ETNPPL: variants seen among roughly 807,000 people sequenced by gnomAD.
ETNPPL encodes the protein ethanolamine-phosphate phospho-lyase.
A neutral mutation model predicts 55.5 loss-of-function variants in ETNPPL; 30 were observed. That is an observed-to-expected ratio of 0.54 (90% CI 0.40 to 0.73). The LOEUF (loss-of-function observed/expected upper bound fraction) is 0.73, where lower values mean the gene tolerates loss of function less well. Ranked by LOEUF, ETNPPL falls within the 30% of genes least tolerant of loss-of-function variation. The pLI, the probability that ETNPPL is intolerant of heterozygous loss-of-function variation, is 0.00. For synonymous variants in ETNPPL, 202 were observed against 207.2 expected, an observed-to-expected ratio of 0.98 and a Z score of 0.21; for missense variants, 528 against 607.9, an observed-to-expected ratio of 0.87 and a Z score of 1.38.
In ETNPPL at chr4:108,748,160, C is replaced by T; in HGVS notation, c.928-1G>A. On this transcript the variant is annotated splice_acceptor_variant, in intron 8 of 12. Transcript: ENST00000296486. LOFTEE classifies it high-confidence loss of function. ...CACAAGATACTGGATTTCCTCCATA[C>T]TGTAAAAAAAAAAAAGACAAATGAG... 6.5e-7 allele frequency: 1 copy of T among 1,542,266 alleles called. No homozygotes were observed. The highest frequency in any genetic ancestry group is 8.6e-7 in the Non-Finnish European group (1 of 1,158,282).
rs890253836 is a variant in ETNPPL at position 108,756,472 on chromosome 4, G to T, written c.356C>A (p.Ala119Asp). The T allele has an allele frequency of 6.2e-7, 1 of 1,613,874 alleles. No individual in the cohort carries two copies. The highest frequency in any genetic ancestry group is 8.5e-7 in the Non-Finnish European group (1 of 1,179,736). The change falls in exon 4 of 13, where the codon GCC becomes GAC. Residue 119 changes from alanine to aspartate, a missense_variant. Coordinates refer to ENST00000296486, the MANE Select transcript of ETNPPL (RefSeq NM_031279.4). ...TCTGAACTGCCGAGCCAGGCGTAAGGCTAAGTCGTTGGCTTCGGATCTATT... is the reference window on the plus strand; with the variant it reads ...TCTGAACTGCCGAGCCAGGCGTAAGTCTAAGTCGTTGGCTTCGGATCTATT... ...TNSGSEANDL[A>D]LRLARQFRGH...
At chr4:108,750,510 G>GTGTA (rs1449462227) in intron 7 of ETNPPL, among the ~76,000 whole-genome samples, 1 of 150,208 alleles carries the variant, frequency 6.7e-6, no homozygotes, top group Non-Finnish European at 1.5e-5. Context: ...GTGTGTGTGT[G>GTGTA]TGTGTGTGTG....
chr4:108,748,279 T>C (rs1728721495), intron 8 of ETNPPL, 120 bp from the exon 9 acceptor site: 5 of 622,644 alleles, frequency 8.0e-6, no homozygotes, highest in Non-Finnish European at 1.3e-5. Context: ...TAAAATGTTC[T>C]CTTATAATAT....
intron 4 of ETNPPL, among the ~76,000 whole-genome samples, chr4:108,755,585 G>A (rs2125679493): frequency 6.6e-6 from 1 of 152,344 alleles, no homozygotes; most frequent in East Asian, 1.9e-4. Context: ...GGGGGGCTGA[G>A]GCGGGTGGAT....
At position 108,749,237 on chromosome 4, in the gene ETNPPL, C is replaced by T; in HGVS notation, c.927+1G>A. The T allele has an allele frequency of 6.2e-7, 1 of 1,604,920 alleles. No individual in the cohort carries two copies. Among genetic ancestry groups the T allele is most frequent in the Non-Finnish European group, 8.5e-7 (1 of 1,172,442 alleles). On this transcript the variant is annotated splice_donor_variant, in intron 8 of 12. Coordinates refer to ENST00000296486, the MANE Select transcript of ETNPPL (RefSeq NM_031279.4). LOFTEE classifies it high-confidence loss of function. ...CATTAAAGTTGGAGACCAAAATGTA[C>T]CGTATTAAAATATTCCATCCCAGAG...
At position 108,760,240 on chromosome 4, in the gene ETNPPL, C is replaced by T; in HGVS notation, c.123G>A (p.Met41Ile). The change falls in exon 2 of 13, where the codon ATG becomes ATA. Residue 41 changes from methionine (M) to isoleucine (I), a missense_variant. Coordinates refer to ENST00000296486, the MANE Select transcript of ETNPPL (RefSeq NM_031279.4). ...AGTACTGTTCACCGTTCTCATCAAA[C>T]ATGTACTGCCTCTGGGCTCTCACTA... is the stretch of plus-strand genomic sequence containing the variant. ...IKIVRAQRQYMFDENGEQYLD... is the reference protein window; with the variant it reads ...IKIVRAQRQYIFDENGEQYLD... 2 of 1,613,064 alleles carry T rather than the reference C, an allele frequency of 1.2e-6. No individual in the cohort carries two copies. The highest frequency in any genetic ancestry group is 2.2e-5 in the South Asian group (2 of 90,942).
In ETNPPL at chr4:108,750,942, A is replaced by C; in HGVS notation, c.695T>G (p.Val232Gly). 1 of 1,612,786 alleles carries C rather than the reference A, an allele frequency of 6.2e-7. No homozygotes were observed. Among genetic ancestry groups the C allele is most frequent in the East Asian group, 2.2e-5 (1 of 44,832 alleles). The change falls in exon 7 of 13, where the codon GTG becomes GGG. Residue 232 changes from valine (V) to glycine (G), a missense_variant. Coordinates refer to ENST00000296486, the MANE Select transcript of ETNPPL (RefSeq NM_031279.4). ...IIPPAGYFQKVAEYVHGAGGV... is the reference protein window; with the variant it reads ...IIPPAGYFQKGAEYVHGAGGV... ...GCCCAAGTCAAGTACATACTCTGCC[A>C]CTTTCTGGAAGTAGCCTGCTGGAGG...
At chr4:108,750,790 C>G in intron 7 of ETNPPL, 146 bp downstream of exon 7, 1 of 634,232 alleles carries the variant, frequency 1.6e-6, no homozygotes, top group South Asian at 1.7e-5. Context: ...GAGAGAGCAT[C>G]CAGGAGTCCT....
intron 12 of ETNPPL, 47 bp from the exon 13 acceptor site, chr4:108,742,659 C>A: frequency 6.2e-7 from 1 of 1,610,958 alleles, no homozygotes; most frequent in Non-Finnish European, 8.5e-7. Flanking sequence ...ACCTCTAATC[C>A]AGCCTCCACA....
intron 3 of ETNPPL, among the ~76,000 whole-genome samples, chr4:108,757,599 C>G (rs1005054830): frequency 1.3e-5 from 2 of 152,066 alleles, no homozygotes; most frequent in African/African-American, 4.8e-5. Context: ...CTAGCAATAC[C>G]TTGTCTCTAA....
chr4:108,761,960 A>G (rs1457104079), intron 1 of ETNPPL, among the ~76,000 whole-genome samples: 1 of 152,192 alleles, frequency 6.6e-6, no homozygotes, highest in Non-Finnish European at 1.5e-5. Context: ...TCAAGTGAAT[A>G]TTGCAGACGG....
At chr4:108,756,123 G>T (rs1275896597) in intron 4 of ETNPPL, among the ~76,000 whole-genome samples, 1 of 152,044 alleles carries the variant, frequency 6.6e-6, no homozygotes, top group Non-Finnish European at 1.5e-5. Context: ...GTTAATAGTG[G>T]CTCAATGAAT....
At chr4:108,757,346 C>A (rs149371900) in intron 3 of ETNPPL, among the ~76,000 whole-genome samples, 33 of 152,302 alleles carry the variant, frequency 2.2e-4, no homozygotes, top group Middle Eastern at 3.4e-3. Context: ...CTCATAACAG[C>A]ATTACAAGTA....
chr4:108,746,870 A>T lies in ETNPPL; in HGVS notation c.1083-19T>A. The T allele has an allele frequency of 6.4e-7, 1 of 1,562,084 alleles. No individual in the cohort carries two copies. On this transcript the variant is annotated intron_variant, in intron 9 of 12. Coordinates refer to ENST00000296486, the MANE Select transcript of ETNPPL (RefSeq NM_031279.4). ...AATGCCCCTGCGAGAGGTGAAGAAAAACTTGACCCACAATCTGTCCAACTC... is the reference window on the plus strand; with the variant it reads ...AATGCCCCTGCGAGAGGTGAAGAAATACTTGACCCACAATCTGTCCAACTC...
At chr4:108,748,811 G>A (rs1424733565) in intron 8 of ETNPPL, among the ~76,000 whole-genome samples, 2 of 152,012 alleles carry the variant, frequency 1.3e-5, no homozygotes, top group Non-Finnish European at 2.9e-5. Context: ...AATTTAGCAG[G>A]GCAACCATCT....
Position 108,752,954 on chromosome 4 carries a change from T to C in ETNPPL, c.559A>G (p.Ser187Gly). The change falls in exon 6 of 13, where the codon AGT becomes GGT. Residue 187 changes from serine to glycine, a missense_variant. Coordinates refer to ENST00000296486, the MANE Select transcript of ETNPPL (RefSeq NM_031279.4). ...KYREDHADSA[S>G]AYADEVKKII... ...TTCTTCACTTCATCTGCATAAGCAC[T>C]GGCTGAGTCTGCATGGTCTTCTCTA... 1 of 1,613,210 alleles carries C rather than the reference T, an allele frequency of 6.2e-7. No homozygotes were observed. Among genetic ancestry groups the C allele is most frequent in the Non-Finnish European group, 8.5e-7 (1 of 1,179,488 alleles).
At chr4:108,751,897 C>T (rs1728929976) in intron 6 of ETNPPL, among the ~76,000 whole-genome samples, 1 of 152,196 alleles carries the variant, frequency 6.6e-6, no homozygotes, top group African/African-American at 2.4e-5. Flanking sequence ...TGCTAATGTT[C>T]TCAAAAAATT....
chr4:108,744,035 G>T (rs558599177), intron 11 of ETNPPL, among the ~76,000 whole-genome samples, 179 bp from the exon 12 acceptor site: 7 of 152,348 alleles, frequency 4.6e-5, no homozygotes, highest in African/African-American at 1.7e-4. Context: ...GGCCGAAGAG[G>T]GCGGATCACA....
At chr4:108,762,270 G>A (rs1381909038) in intron 1 of ETNPPL, 1 of 441,834 alleles carries the variant, frequency 2.3e-6, no homozygotes, top group Non-Finnish European at 4.5e-6. Context: ...AGCAAGTTGG[G>A]TAAGAGGGAT....
Sources: allele counts gnomAD v4.1 joint callset (sites outside exome capture counted in the v4.1 genomes callset), GRCh38; gene constraint gnomAD v4.1.1; transcripts MANE v1.5; gene names NCBI Gene and HGNC (gene_info 2026-07-23, HGNC 2026-07-21).